The following DNAH14 variants were observed in gnomAD, a reference collection of about 807,000 sequenced individuals.
DNAH14 encodes axonemal beta dynein heavy chain 14.
A neutral mutation model predicts 520.9 loss-of-function variants in DNAH14; 478 were observed. The ratio of observed to expected loss-of-function variants is 0.92; its 90% CI spans 0.85 to 0.99. The LOEUF (loss-of-function observed/expected upper bound fraction) is 0.99, where lower values mean the gene tolerates loss of function less well. Among genes scored for constraint, DNAH14 ranks in the 50% least tolerant of loss-of-function variants. The pLI is 0.00. For missense variants in DNAH14, 4,831 were observed against 5,234.5 expected (o/e 0.92, Z 2.38); for synonymous variants, 1,581 against 1,757.2 (o/e 0.90, Z 2.51).
intron 27 of DNAH14, among the ~76,000 whole-genome samples, chr1:225,130,147 A>G (rs1333752609): frequency 6.6e-6 from 1 of 152,224 alleles, no homozygotes. Flanking sequence ...TAGAATGGCA[A>G]TCATTAAAAA....
At chr1:225,080,816 C>G in intron 19 of DNAH14, 68 bp downstream of exon 19, 2 of 1,428,360 alleles carry the variant, frequency 1.4e-6, no homozygotes, top group Non-Finnish European at 1.9e-6. Context: ...ACATCAAGAG[C>G]ATTGTCCTTG....
chr1:225,302,599 C>T (rs1169786089), intron 56 of DNAH14, among the ~76,000 whole-genome samples: 3 of 152,158 alleles, frequency 2.0e-5, no homozygotes, highest in Admixed American at 2.0e-4. Flanking sequence ...AACCCAGCAA[C>T]AGCAGCAGCA....
At chr1:224,953,248 G>A (rs1038137014) in intron 2 of DNAH14, among the ~76,000 whole-genome samples, 5 of 151,412 alleles carry the variant, frequency 3.3e-5, no homozygotes, top group Middle Eastern at 3.4e-3. Context: ...TCAGCCCCCC[G>A]AGTAGCTGGG....
At chr1:225,145,629 A>G (rs2149052439) in intron 30 of DNAH14, among the ~76,000 whole-genome samples, 1 of 152,316 alleles carries the variant, frequency 6.6e-6, no homozygotes, top group East Asian at 1.9e-4. Flanking sequence ...AACTTTTTTC[A>G]ACAGTTGGAT....
At chr1:225,290,643 G>GTATATATA (rs1334178874) in intron 55 of DNAH14, among the ~76,000 whole-genome samples, 3 of 51,146 alleles carry the variant, frequency 5.9e-5, no homozygotes, top group African/African-American at 1.0e-4. Context: ...GTGTGTGTGT[G>GTATATATA]TGTGTATATA....
At chr1:225,353,708 C>T in intron 72 of DNAH14, 95 bp from the exon 73 acceptor site, 2 of 713,938 alleles carry the variant, frequency 2.8e-6, no homozygotes. Context: ...AAAAAAAAGT[C>T]ACAATTTTAT....
chr1:225,111,684 G>C (rs935280209), intron 23 of DNAH14, among the ~76,000 whole-genome samples: 10 of 151,520 alleles, frequency 6.6e-5, no homozygotes, highest in African/African-American at 2.4e-4. Flanking sequence ...TTTGTTTTCT[G>C]GTTGTTTTGT....
intron 27 of DNAH14, among the ~76,000 whole-genome samples, chr1:225,136,539 T>G (rs2148992779): frequency 6.6e-6 from 1 of 152,262 alleles, no homozygotes; most frequent in South Asian, 2.1e-4. Flanking sequence ...GTCTGATGGG[T>G]TTTCCCTTGT....
chr1:225,072,683 A>G (rs551537105), intron 17 of DNAH14, among the ~76,000 whole-genome samples: 185 of 152,202 alleles, frequency 1.2e-3, no homozygotes, highest in Non-Finnish European at 1.9e-3. Flanking sequence ...GCTTATCTAC[A>G]TTCAGTTTTT....
chr1:225,327,825 G>T (rs2094710246), intron 64 of DNAH14, among the ~76,000 whole-genome samples: 1 of 151,824 alleles, frequency 6.6e-6, no homozygotes, highest in Non-Finnish European at 1.5e-5. Flanking sequence ...CAAACCTCTA[G>T]GGGAAACAAA....
At chr1:224,989,239 G>C (rs1323856737) in intron 8 of DNAH14, among the ~76,000 whole-genome samples, 2 of 152,054 alleles carry the variant, frequency 1.3e-5, no homozygotes, top group African/African-American at 4.8e-5. Context: ...ATAAAAATCT[G>C]GGCACCTGCT....
chr1:225,361,279 T>C (rs775450927), intron 75 of DNAH14, among the ~76,000 whole-genome samples: 2 of 152,238 alleles, frequency 1.3e-5, no homozygotes, highest in African/African-American at 2.4e-5. Flanking sequence ...TTGGTGATGA[T>C]TCATTTTATG....
intron 73 of DNAH14, among the ~76,000 whole-genome samples, chr1:225,354,522 C>T (rs1320044186): frequency 6.6e-6 from 1 of 152,032 alleles, no homozygotes; most frequent in Non-Finnish European, 1.5e-5. Flanking sequence ...ATATATTATT[C>T]TATTTAATAC....
intron 81 of DNAH14, among the ~76,000 whole-genome samples, chr1:225,387,450 G>C (rs114077436): frequency 6.6e-6 from 1 of 151,978 alleles, no homozygotes. Flanking sequence ...CAAAGCGAGC[G>C]CTTGGTGTCA....
Position 225,079,346 on chromosome 1 carries a change from A to G in DNAH14, c.2564A>G (p.Tyr855Cys). 6.4e-7 allele frequency: 1 copy of G among 1,550,902 alleles called. No individual in the cohort carries two copies. The highest frequency in any genetic ancestry group is 2.4e-5 in the East Asian group (1 of 40,850). ...EKEFLTMSQL[Y>C]SVAKHHQIHI... ...GAGTTCTTAACAATGTCTCAGCTATATTCTGTTGCAAAGCATCACCAGATC... is the reference window on the plus strand; with the variant it reads ...GAGTTCTTAACAATGTCTCAGCTATGTTCTGTTGCAAAGCATCACCAGATC... Residue 855 changes from tyrosine to cysteine, a missense_variant, in exon 18 of 86, where the codon TAT becomes TGT. By Grantham distance (194) the Tyr-to-Cys change is radical. Coordinates refer to ENST00000682510, the MANE Select transcript of DNAH14 (RefSeq NM_001367479.1).
intron 61 of DNAH14, 49 bp downstream of exon 61, chr1:225,318,726 T>A: frequency 2.7e-6 from 4 of 1,485,428 alleles, no homozygotes; most frequent in Non-Finnish European, 1.8e-6. Context: ...GAAAAAAACA[T>A]AAATTCATGT....
intron 38 of DNAH14, among the ~76,000 whole-genome samples, chr1:225,197,014 A>G (rs1336005009): frequency 6.6e-6 from 1 of 151,270 alleles, no homozygotes; most frequent in Non-Finnish European, 1.5e-5. Context: ...TACTCTGCTG[A>G]CTGTACCTTT....
intron 46 of DNAH14, among the ~76,000 whole-genome samples, chr1:225,263,665 T>A (rs569097763): frequency 6.6e-6 from 1 of 152,128 alleles, no homozygotes; most frequent in South Asian, 2.1e-4. Flanking sequence ...CTTAAACATC[T>A]GAGAAATAAT....
At chr1:225,128,916 C>A (rs924755747) in intron 27 of DNAH14, among the ~76,000 whole-genome samples, 23 of 151,318 alleles carry the variant, frequency 1.5e-4, no homozygotes, top group African/African-American at 5.6e-4. Flanking sequence ...ATCTAGAAAA[C>A]CCCATTGTCT....
Sources: allele counts gnomAD v4.1 joint callset (sites outside exome capture counted in the v4.1 genomes callset), GRCh38; gene constraint gnomAD v4.1.1; transcripts MANE v1.5; gene names NCBI Gene and HGNC (gene_info 2026-07-23, HGNC 2026-07-21).